Variants in TNIP1 observed in about 807,000 individuals in gnomAD.
TNIP1 encodes TNFAIP3 interacting protein 1, also known as TNFAIP3-interacting protein 1.
A neutral mutation model predicts 86.6 loss-of-function variants in TNIP1; 22 were observed. The observed-to-expected ratio is 0.25, with a 90% CI of 0.18 to 0.36. The LOEUF (loss-of-function observed/expected upper bound fraction) is 0.36. Among genes scored for constraint, TNIP1 ranks in the 10% least tolerant of loss-of-function variants. TNIP1 has a pLI of 1.00. For missense variants in TNIP1, 709 were observed against 820.6 expected (o/e 0.86, Z 1.66); for synonymous variants, 294 against 313.0 (o/e 0.94, Z 0.64).
intron 13 of TNIP1, among the ~76,000 whole-genome samples, chr5:151,036,069 G>A (rs1200097922): frequency 6.6e-6 from 1 of 152,156 alleles, no homozygotes; most frequent in Non-Finnish European, 1.5e-5. Flanking sequence ...CTGGTTCTGA[G>A]GGCAGAGACC....
chr5:151,066,320 C>T (rs1762232304), intron 1 of TNIP1, among the ~76,000 whole-genome samples: 1 of 152,220 alleles, frequency 6.6e-6, no homozygotes, highest in South Asian at 2.1e-4. Context: ...GGCTGAAACA[C>T]CGAGCCAGCC....
At position 151,035,539 on chromosome 5, in the gene TNIP1, C is replaced by T. The variant is rs773038343; in HGVS notation, c.1521+43G>A. 44 of 1,613,700 alleles carry T rather than the reference C, an allele frequency of 2.7e-5. No homozygotes were observed. The East Asian group carries it at 3.8e-4, about 14-fold the overall frequency. On this transcript the variant is annotated intron_variant, in intron 14 of 17. Transcript: ENST00000521591. The stretch of plus-strand genomic sequence containing the variant: ...CTCCAATCCATGCCCCCTCTCCCCA[C>T]GAGGACAGGCCAGTTGCCCTTCCTG...
chr5:151,054,699 G>C (rs561903690), intron 6 of TNIP1, among the ~76,000 whole-genome samples: 22 of 152,246 alleles, frequency 1.4e-4, no homozygotes, highest in African/African-American at 5.3e-4. Flanking sequence ...TTAAAAAAAA[G>C]AAATCAAAAA....
intron 8 of TNIP1, among the ~76,000 whole-genome samples, chr5:151,049,333 G>A (rs1002818554): frequency 2.6e-5 from 4 of 152,094 alleles, no homozygotes; most frequent in African/African-American, 7.2e-5. Context: ...AGCATCACCA[G>A]ACCACACAGA....
rs755898310 is a variant in TNIP1 at position 151,033,646 on chromosome 5, G to A, written c.1741C>T (p.His581Tyr). 1.5e-6 allele frequency: 2 copies of A among 1,306,460 alleles called. No homozygotes were observed. Among genetic ancestry groups the A allele is most frequent in the African/African-American group, 1.5e-5 (1 of 65,818 alleles). 80.9% of individuals were successfully genotyped at this position (1,306,460 alleles called of 1,614,324 possible). A position where few individuals can be genotyped will look rare whatever the true frequency, so the allele number is the denominator to read the frequency against. ...CGCGAGTTGGGGAGTGGGGGCGGGTGCTCCATGGCCATGGGGGGAGGGGGG... is the reference window on the plus strand; with the variant it reads ...CGCGAGTTGGGGAGTGGGGGCGGGTACTCCATGGCCATGGGGGGAGGGGGG... ...RYPPPPMAMEHPPPLPNSRLF... is the reference protein window; with the variant it reads ...RYPPPPMAMEYPPPLPNSRLF... Residue 581 changes from histidine to tyrosine, a missense_variant, in exon 16 of 18, where the codon CAC becomes TAC. By Grantham distance (83) the His-to-Tyr change is moderately conservative (BLOSUM62 2). Transcript: ENST00000521591.
upstream of TNIP1, among the ~76,000 whole-genome samples, chr5:151,083,047 T>C (rs928107482): frequency 6.6e-6 from 1 of 152,182 alleles, no homozygotes; most frequent in Admixed American, 6.5e-5. Context: ...CCCAGTCCTG[T>C]GTGCTTGGTC....
chr5:151,049,514 ATG>A (rs3834819), intron 8 of TNIP1, among the ~76,000 whole-genome samples: 1 of 152,184 alleles, frequency 6.6e-6, no homozygotes, highest in East Asian at 1.9e-4. Context: ...ACAAACTGGA[ATG>A]TGTTTACGGA....
intron 8 of TNIP1, among the ~76,000 whole-genome samples, chr5:151,049,513 A>T (rs933557601): frequency 2.0e-5 from 3 of 152,162 alleles, no homozygotes; most frequent in Non-Finnish European, 4.4e-5. Flanking sequence ...GACAAACTGG[A>T]ATGTGTTTAC....
chr5:151,035,250 C>T (rs963558401), intron 14 of TNIP1, among the ~76,000 whole-genome samples, 183 bp from the exon 15 acceptor site: 1 of 152,202 alleles, frequency 6.6e-6, no homozygotes, highest in Non-Finnish European at 1.5e-5. Flanking sequence ...TGCTGCAGGC[C>T]ACCTGCTTGT....
rs769559664 is a variant in TNIP1, at chr5:151,056,938, C to T, written c.455G>A (p.Arg152His). Residue 152 changes from arginine (R) to histidine (H), a missense_variant, in exon 6 of 18, where the codon CGT (arginine) becomes CAT (histidine). Coordinates refer to ENST00000521591, the MANE Select transcript of TNIP1 (RefSeq NM_006058.5). ...ANAMALGPLP[R>H]EDGNLMLHLQ... is the part of the protein sequence containing the mutation. Reference sequence around the variant, plus strand: ...GTGCAGCATCAGGTTGCCGTCCTCACGGGGCAGGGGGCCCAGCGCCTGGAG... The same window carrying T: ...GTGCAGCATCAGGTTGCCGTCCTCATGGGGCAGGGGGCCCAGCGCCTGGAG... 1.2e-5 allele frequency: 18 copies of T among 1,553,590 alleles called. No individual in the cohort carries two copies. The highest frequency in any genetic ancestry group is 2.3e-5 in the South Asian group (2 of 85,378).
rs1395875326 is a variant in TNIP1, at chr5:151,049,184, C to T, written c.846+640G>A. ...CCCATTAAAGGGTGAAGTAAAAACA[C>T]GTTGGTAAAGAGTTGGGACTCAGCT... On this transcript the variant is annotated intron_variant, in intron 8 of 17. Coordinates refer to ENST00000521591, the MANE Select transcript of TNIP1 (RefSeq NM_006058.5). 1.3e-4 allele frequency among the ~76,000 whole-genome samples: 20 copies of T among 152,156 alleles called. 1 individual carries two copies. The highest frequency in any genetic ancestry group is 1.2e-3 in the Admixed American group (19 of 15,286).
intron 1 of TNIP1, among the ~76,000 whole-genome samples, chr5:151,070,584 C>T (rs1762721363): frequency 6.6e-6 from 1 of 152,216 alleles, no homozygotes; most frequent in Non-Finnish European, 1.5e-5. Flanking sequence ...CACGATGCCA[C>T]ACTCACCAAC....
intron 1 of TNIP1, among the ~76,000 whole-genome samples, chr5:151,074,310 GAC>G (rs1434294223): frequency 6.6e-6 from 1 of 152,158 alleles, no homozygotes; most frequent in Non-Finnish European, 1.5e-5. Flanking sequence ...CTACTCCAGA[GAC>G]AGACGCAGGA....
chr5:151,035,193 G>A, intron 14 of TNIP1, 126 bp from the exon 15 acceptor site: 1 of 1,107,088 alleles, frequency 9.0e-7, no homozygotes, highest in Non-Finnish European at 1.3e-6. Context: ...CCATGCGTGG[G>A]CCAGCCCCGG....
At chr5:151,059,828 A>AGAGAGAGAGAGTGTGTGT (rs1554076446) in intron 5 of TNIP1, among the ~76,000 whole-genome samples, 4 of 56,422 alleles carry the variant, frequency 7.1e-5, no homozygotes, top group Admixed American at 2.1e-4. Context: ...AGAGAGAGAG[A>AGAGAGAGAGAGTGTGTGT]GTGTGTGTGT....
In TNIP1 at chr5:151,073,462, T is replaced by C. The variant is rs76551096; in HGVS notation, c.-37+7418A>G. 8.6e-3 allele frequency among the ~76,000 whole-genome samples: 1,309 copies of C among 152,270 alleles called. 18 individuals carry two copies. Among genetic ancestry groups the C allele is most frequent in the African/African-American group, 0.03 (1,261 of 41,546 alleles). On this transcript the variant is annotated intron_variant, in intron 1 of 17. Transcript: ENST00000521591. ...CCACCATTCATTCGATGGAATACTA[T>C]ACAGCCATCAAAAAGAATGGGGTAG...
At position 151,035,665 on chromosome 5, in the gene TNIP1, G is replaced by A. The variant is rs1757604251; in HGVS notation, c.1438C>T (p.Arg480Cys). ...TCCTTCTCCTCATTCATGCGCTCACGATCACTGCGCTCCCTCTGGAAGTCC... is the reference window on the plus strand; with the variant it reads ...TCCTTCTCCTCATTCATGCGCTCACAATCACTGCGCTCCCTCTGGAAGTCC... The part of the protein sequence containing the change: ...EEDFQRERSD[R>C]ERMNEEKEEL... Residue 480 changes from arginine (R) to cysteine (C), a missense_variant, in exon 14 of 18, where the codon CGT becomes TGT. Physicochemically the swap from Arg to Cys is radical, Grantham distance 180 (BLOSUM62 -3). Transcript: ENST00000521591. 1.2e-6 allele frequency: 2 copies of A among 1,614,114 alleles called. No individual in the cohort carries two copies. The highest frequency in any genetic ancestry group is 1.7e-6 in the Non-Finnish European group (2 of 1,180,032).
At chr5:151,087,677 A>G (rs2113874608), upstream of TNIP1, 1 of 152,310 alleles carries the variant, frequency 6.6e-6, no homozygotes, top group African/African-American at 2.4e-5. Flanking sequence ...TCACATTTGG[A>G]TGTCAAGTAA....
intron 4 of TNIP1, 97 bp from the exon 5 acceptor site, chr5:151,060,492 T>C: frequency 9.4e-7 from 1 of 1,067,976 alleles, no homozygotes; most frequent in Admixed American, 1.9e-5. Flanking sequence ...ACAAAATCTC[T>C]TCCCATTTTG....
Sources: gnomAD v4.1 joint callset for allele counts (sites outside exome capture counted in the v4.1 genomes callset) on GRCh38, gnomAD v4.1.1 for gene constraint, MANE v1.5 for transcripts, NCBI Gene and HGNC (gene_info 2026-07-23, HGNC 2026-07-21) for gene names.